The following SLC4A4 variants were observed in gnomAD, a reference collection of about 807,000 sequenced individuals.
SLC4A4 encodes the protein solute carrier family 4 member 4.
SLC4A4 carries 27 observed loss-of-function variants against 111.5 expected under a neutral mutation model. The ratio of observed to expected loss-of-function variants is 0.24; its 90% CI spans 0.18 to 0.33. The LOEUF (loss-of-function observed/expected upper bound fraction) is 0.33. Among genes scored for constraint, SLC4A4 ranks in the 10% least tolerant of loss-of-function variants. The probability of loss-of-function intolerance (pLI) is 1.00; values close to 1 mark genes in which losing one functional copy is unlikely to be tolerated. For missense variants in SLC4A4, 909 were observed against 1,315.5 expected (o/e 0.69, Z 4.78); for synonymous variants, 443 against 463.4 (o/e 0.96, Z 0.57).
intron 3 of SLC4A4, among the ~76,000 whole-genome samples, chr4:71,336,726 A>G (rs1367288546): frequency 6.6e-6 from 1 of 152,212 alleles, no homozygotes; most frequent in Non-Finnish European, 1.5e-5. Context: ...TCTCTAGGAC[A>G]TCATCATCCT....
chr4:71,441,871 T>G (rs1724751315), intron 8 of SLC4A4, among the ~76,000 whole-genome samples: 1 of 152,208 alleles, frequency 6.6e-6, no homozygotes, highest in Non-Finnish European at 1.5e-5. Flanking sequence ...GGAAAAGAGA[T>G]GATCATAGCT....
intron 3 of SLC4A4, among the ~76,000 whole-genome samples, chr4:71,281,160 A>G (rs1415491637): frequency 6.6e-6 from 1 of 152,188 alleles, no homozygotes; most frequent in Non-Finnish European, 1.5e-5. Context: ...TGTGTACTTA[A>G]CTTTGAGTTA....
intron 2 of SLC4A4, among the ~76,000 whole-genome samples, chr4:71,156,586 G>A (rs574573850): frequency 0.036 from 3,915 of 108,336 alleles, 60 homozygotes; most frequent in South Asian, 0.087. Context: ...GCGCGCGCGC[G>A]CGCACACACA....
intron 2 of SLC4A4, among the ~76,000 whole-genome samples, chr4:71,249,883 CAA>C (rs3039037): frequency 1.4e-5 from 2 of 143,748 alleles, no homozygotes; most frequent in African/African-American, 2.6e-5. Context: ...GACTCTGTCT[CAA>C]AAAAAAAAAA....
intron 2 of SLC4A4, among the ~76,000 whole-genome samples, chr4:71,135,217 T>C (rs561240803): frequency 6.6e-6 from 1 of 152,054 alleles, no homozygotes; most frequent in African/African-American, 2.4e-5. Flanking sequence ...GAACTGTATA[T>C]AGTGGAATGG....
chr4:71,289,766 A>G lies in SLC4A4; in HGVS notation c.253+34367A>G, dbSNP rs577652983. 2.0e-5 allele frequency among the ~76,000 whole-genome samples: 3 copies of G among 152,366 alleles called. 1 individual carries two copies. Among genetic ancestry groups the G allele is most frequent in the South Asian group, 4.1e-4 (2 of 4,824 alleles). ...TAGGTTTGGAAGTGAAGCAAGTCAC[A>G]TTTGACATGTTAGTGACAATAAGCA... On this transcript the variant is annotated intron_variant, in intron 3 of 25. Transcript: ENST00000264485.
rs188148531 is a variant in SLC4A4 at position 71,081,950 on chromosome 4, G to A, written c.-64-10780G>A. 1.3e-5 allele frequency among the ~76,000 whole-genome samples: 2 copies of A among 152,158 alleles called. 1 individual carries two copies. Among genetic ancestry groups the A allele is most frequent in the African/African-American group, 4.8e-5 (2 of 41,416 alleles). ...TATGGCTGGAATGCCTGGGTCCCCA[G>A]TGTCTGTGCTATTAGCTGCTAAATT... On this transcript the variant is annotated intron_variant, in intron 1 of 26. Transcript: ENST00000649996.
chr4:71,517,537 TC>T (rs1345766943), intron 16 of SLC4A4, among the ~76,000 whole-genome samples: 1 of 152,202 alleles, frequency 6.6e-6, no homozygotes, highest in African/African-American at 2.4e-5. Context: ...TTTTGTAGCA[TC>T]CTGTCTTTTT....
At chr4:71,090,137 A>G (rs1208708872) in intron 1 of SLC4A4, among the ~76,000 whole-genome samples, 6 of 151,952 alleles carry the variant, frequency 3.9e-5, no homozygotes, top group Non-Finnish European at 8.8e-5. Flanking sequence ...TTGCAGTTTG[A>G]TCTCAGACTG....
intron 2 of SLC4A4, among the ~76,000 whole-genome samples, chr4:71,252,719 G>T (rs1448914984): frequency 6.6e-6 from 1 of 152,176 alleles, no homozygotes; most frequent in Non-Finnish European, 1.5e-5. Flanking sequence ...TTAAAACGTG[G>T]TCAAGAGTGG....
intron 7 of SLC4A4, among the ~76,000 whole-genome samples, chr4:71,424,773 T>C (rs1440509390): frequency 6.6e-6 from 1 of 151,794 alleles, no homozygotes; most frequent in Non-Finnish European, 1.5e-5. Context: ...TTCTCACTCA[T>C]AGGTGGGAAT....
At chr4:71,299,152 G>A (rs998356380) in intron 3 of SLC4A4, among the ~76,000 whole-genome samples, 2 of 152,172 alleles carry the variant, frequency 1.3e-5, no homozygotes, top group Admixed American at 6.5e-5. Context: ...TATCCATGAG[G>A]CAGAAAAGTG....
intron 12 of SLC4A4, 42 bp downstream of exon 12, chr4:71,453,711 A>G: frequency 1.9e-6 from 3 of 1,594,432 alleles, no homozygotes; most frequent in South Asian, 2.2e-5. Flanking sequence ...TACAGCCCAG[A>G]TTGCCTTCCT....
In SLC4A4 at chr4:71,348,164, A is replaced by G. The variant is rs73826268; in HGVS notation, c.390-1748A>G. On this transcript the variant is annotated intron_variant, in intron 4 of 25. Transcript: ENST00000264485. Reference sequence around the variant, plus strand: ...CTCCATCAAAAATAAATTAGTTTCAAAATAACTCTAATCACCTTATTACCT... The same window carrying G: ...CTCCATCAAAAATAAATTAGTTTCAGAATAACTCTAATCACCTTATTACCT... Among the ~76,000 whole-genome samples, 1,204 of 152,290 alleles carry G rather than the reference A, an allele frequency of 7.9e-3. 17 individuals are homozygous for G. Among genetic ancestry groups the G allele is most frequent in the African/African-American group, 0.026 (1,066 of 41,566 alleles).
chr4:71,440,575 T>C (rs1335620722), intron 7 of SLC4A4, 41 bp from the exon 8 acceptor site: 5 of 1,609,354 alleles, frequency 3.1e-6, no homozygotes, highest in Non-Finnish European at 4.3e-6. Flanking sequence ...CACAGGAACC[T>C]TGTGGAACTA....
chr4:71,169,126 C>T (rs1744868609), intron 2 of SLC4A4, among the ~76,000 whole-genome samples: 2 of 151,924 alleles, frequency 1.3e-5, no homozygotes, highest in African/African-American at 4.8e-5. Context: ...TCTCCTGCCT[C>T]AGCCTCCCAA....
intron 14 of SLC4A4, among the ~76,000 whole-genome samples, chr4:71,475,403 A>C (rs1728273645): frequency 6.6e-6 from 1 of 151,884 alleles, no homozygotes; most frequent in Non-Finnish European, 1.5e-5. Context: ...TCCTTCTAAG[A>C]AGGATCTTTG....
At chr4:71,153,031 G>A (rs1355435239) in intron 2 of SLC4A4, among the ~76,000 whole-genome samples, 1 of 130,056 alleles carries the variant, frequency 7.7e-6, no homozygotes, top group Admixed American at 7.2e-5. Flanking sequence ...ATATATGTGT[G>A]TGTATATATA....
chr4:71,282,550 G>T (rs951430610), intron 3 of SLC4A4, among the ~76,000 whole-genome samples: 2 of 151,782 alleles, frequency 1.3e-5, no homozygotes, highest in Non-Finnish European at 2.9e-5. Context: ...CTCCCAAAGT[G>T]CTGGGATTAC....
Sources: gnomAD v4.1 joint callset for allele counts (sites outside exome capture counted in the v4.1 genomes callset) on GRCh38, gnomAD v4.1.1 for gene constraint, MANE v1.5 for transcripts, NCBI Gene and HGNC (gene_info 2026-07-23, HGNC 2026-07-21) for gene names.